The following RAPGEF2 variants were observed in gnomAD, a reference collection of about 807,000 sequenced individuals.
The protein encoded by RAPGEF2 is Rap guanine nucleotide exchange factor 2.
Under a neutral mutation model 186.7 loss-of-function variants are expected in RAPGEF2, and 54 were observed. The ratio of observed to expected loss-of-function variants is 0.29; its 90% CI spans 0.23 to 0.36. The LOEUF (loss-of-function observed/expected upper bound fraction) is 0.36. RAPGEF2 is among the 10% of genes least tolerant of loss of function. RAPGEF2 has a pLI of 1.00. For missense variants in RAPGEF2, 1,532 were observed against 2,045.0 expected (o/e 0.75, Z 4.84); for synonymous variants, 712 against 705.9 (o/e 1.01, Z -0.14).
At chr4:159,153,973 T>G (rs1743837631) in intron 1 of RAPGEF2, among the ~76,000 whole-genome samples, 1 of 152,208 alleles carries the variant, frequency 6.6e-6, no homozygotes, top group East Asian at 1.9e-4. Context: ...TTTTAAACAT[T>G]TCTATCTCTC....
intron 11 of RAPGEF2, 77 bp from the exon 12 acceptor site, chr4:159,329,781 A>G: frequency 8.2e-7 from 1 of 1,218,494 alleles, no homozygotes; most frequent in Non-Finnish European, 1.1e-6. Flanking sequence ...TTAAATAATT[A>G]AAACACTGAA....
chr4:159,355,778 A>T, intron 28 of RAPGEF2, 75 bp from the exon 29 acceptor site: 2 of 1,298,336 alleles, frequency 1.5e-6, no homozygotes, highest in Non-Finnish European at 2.1e-6. Context: ...CTGTTTTAGT[A>T]ATTATTTTTA....
chr4:159,219,554 A>T (rs1454428437), intron 4 of RAPGEF2, among the ~76,000 whole-genome samples: 2 of 151,978 alleles, frequency 1.3e-5, no homozygotes, highest in African/African-American at 2.4e-5. Flanking sequence ...ACGGGGTTTC[A>T]CCGTGTTAGC....
chr4:159,252,963 A>G (rs1481851245), intron 7 of RAPGEF2, among the ~76,000 whole-genome samples: 2 of 152,244 alleles, frequency 1.3e-5, no homozygotes, highest in African/African-American at 4.8e-5. Flanking sequence ...GGGAAATATA[A>G]AACAAATTTA....
chr4:159,299,717 A>G (rs1211192502), intron 7 of RAPGEF2, among the ~76,000 whole-genome samples: 1 of 152,034 alleles, frequency 6.6e-6, no homozygotes, highest in Non-Finnish European at 1.5e-5. Flanking sequence ...ACTCATCTTT[A>G]TGTTCAAGAT....
Position 159,130,705 on chromosome 4 carries a change from T to C in RAPGEF2, c.69+26474T>C, listed in dbSNP as rs1473359307. ...TACTCTAAATAAAAGTTATCTATTA[T>C]TGTTTTATTTTATTTTATTTTTTGG... On this transcript the variant is annotated intron_variant, in intron 1 of 29. Transcript: ENST00000691494. Among the ~76,000 whole-genome samples, 4 of 152,158 alleles carry C rather than the reference T, an allele frequency of 2.6e-5. No homozygotes were observed. The East Asian group carries it at 7.7e-4, about 29-fold the overall frequency.
At chr4:159,315,085 T>G (rs956347244) in intron 9 of RAPGEF2, among the ~76,000 whole-genome samples, 3 of 152,074 alleles carry the variant, frequency 2.0e-5, no homozygotes, top group Non-Finnish European at 4.4e-5. Flanking sequence ...TTACTTCTAT[T>G]AATTTTCTCG....
At chr4:159,173,310 C>G (rs1746116485) in intron 1 of RAPGEF2, among the ~76,000 whole-genome samples, 1 of 152,134 alleles carries the variant, frequency 6.6e-6, no homozygotes, top group African/African-American at 2.4e-5. Flanking sequence ...ACCTATTCCG[C>G]TTTGCTTTTA....
chr4:159,131,519 A>ATTG, intron 1 of RAPGEF2, among the ~76,000 whole-genome samples: 4,500 of 36,910 alleles, frequency 0.12, 635 homozygotes, highest in East Asian at 0.19. Context: ...ATTAATTGCT[A>ATTG]TTTTTTTTTT....
intron 1 of RAPGEF2, among the ~76,000 whole-genome samples, chr4:159,142,793 C>T (rs1366548246): frequency 2.6e-5 from 4 of 152,182 alleles, no homozygotes; most frequent in South Asian, 2.1e-4. Context: ...CCAGGCCCTG[C>T]GTTAAACATT....
chr4:159,236,778 A>G (rs1322418929), intron 4 of RAPGEF2, among the ~76,000 whole-genome samples: 1 of 152,170 alleles, frequency 6.6e-6, no homozygotes, highest in Non-Finnish European at 1.5e-5. Flanking sequence ...TATATTGAAG[A>G]GTTATGGAAT....
chr4:159,106,852 A>C (rs1368716746), intron 1 of RAPGEF2, among the ~76,000 whole-genome samples: 5 of 152,204 alleles, frequency 3.3e-5, no homozygotes, highest in Non-Finnish European at 7.4e-5. Context: ...GAAGTTGGCT[A>C]GAAGAGAATC....
chr4:159,217,686 C>G (rs569586443), intron 4 of RAPGEF2, among the ~76,000 whole-genome samples: 14 of 152,320 alleles, frequency 9.2e-5, no homozygotes, highest in African/African-American at 3.1e-4. Flanking sequence ...AATGGGATGG[C>G]TGGGTCAAAT....
chr4:159,313,171 A>G (rs1339442721), intron 8 of RAPGEF2, among the ~76,000 whole-genome samples: 1 of 152,150 alleles, frequency 6.6e-6, no homozygotes, highest in Non-Finnish European at 1.5e-5. Context: ...AGAAAGAAAG[A>G]AAAAGAAAAT....
chr4:159,325,758 G>A (rs1765840509), intron 11 of RAPGEF2, among the ~76,000 whole-genome samples: 5 of 152,084 alleles, frequency 3.3e-5, no homozygotes, highest in Admixed American at 3.3e-4. Context: ...ATTACAGAGT[G>A]CTTAAGTCAT....
At chr4:159,322,221 G>A (rs1765321400) in intron 9 of RAPGEF2, 126 bp from the exon 10 acceptor site, 1 of 731,272 alleles carries the variant, frequency 1.4e-6, no homozygotes. Context: ...AAAGATACTT[G>A]ATATGTATTT....
intron 7 of RAPGEF2, among the ~76,000 whole-genome samples, chr4:159,251,917 G>A (rs988962684): frequency 2.6e-5 from 4 of 151,878 alleles, no homozygotes; most frequent in Non-Finnish European, 5.9e-5. Context: ...CACGCTTTGG[G>A]TCTGCCACGT....
intron 7 of RAPGEF2, among the ~76,000 whole-genome samples, chr4:159,303,150 A>G (rs1358861466): frequency 6.6e-6 from 1 of 152,166 alleles, no homozygotes; most frequent in Non-Finnish European, 1.5e-5. Context: ...ATTAAGGGAT[A>G]TAAATACATT....
rs376916860 is a variant in RAPGEF2 at position 159,140,811 on chromosome 4, A to C, written c.69+36580A>C. 6.2e-5 allele frequency among the ~76,000 whole-genome samples: 9 copies of C among 146,084 alleles called. No homozygotes were observed. In the East Asian group the frequency reaches 1.8e-3, roughly 29 times the overall value. ...ATGATGTTGAATCTTGGTAAGCCAA[A>C]AATTTTTTTCTGGAAAAAAAAAAAA... On this transcript the variant is annotated intron_variant, in intron 1 of 29. Coordinates refer to ENST00000691494, the MANE Select transcript of RAPGEF2 (RefSeq NM_001394067.2).
Sources: allele counts gnomAD v4.1 joint callset (sites outside exome capture counted in the v4.1 genomes callset), GRCh38; gene constraint gnomAD v4.1.1; transcripts MANE v1.5; gene names NCBI Gene and HGNC (gene_info 2026-07-23, HGNC 2026-07-21).